The following TTC28 variants were observed in gnomAD, a reference collection of about 807,000 sequenced individuals.
The protein encoded by TTC28 is tetratricopeptide repeat domain 28, also known as tetratricopeptide repeat protein 28.
In TTC28, 61 loss-of-function variants were observed where a neutral mutation model predicts 198.0. The observed-to-expected ratio is 0.31, with a 90% confidence interval of 0.25 to 0.38. The LOEUF (loss-of-function observed/expected upper bound fraction) is 0.38. Ranked by LOEUF, TTC28 falls within the 10% of genes least tolerant of loss-of-function variation. The pLI, the probability that TTC28 is intolerant of heterozygous loss-of-function variation, is 1.00. For missense variants in TTC28, 2,678 were observed against 3,164.0 expected, an observed-to-expected ratio of 0.85 and a Z score of 3.69; for synonymous variants, 1,171 against 1,297.8, an observed-to-expected ratio of 0.90 and a Z score of 2.10.
chr22:28,449,291 A>G (rs5762629), intron 2 of TTC28, among the ~76,000 whole-genome samples: 99,206 of 152,058 alleles, frequency 0.65, 33,383 homozygotes, highest in South Asian at 0.79. Context: ...GTATAAAAGC[A>G]TGAGCTACAT....
At chr22:28,040,017 C>T (rs974219164) in intron 12 of TTC28, among the ~76,000 whole-genome samples, 3 of 152,198 alleles carry the variant, frequency 2.0e-5, no homozygotes, top group Non-Finnish European at 4.4e-5. Context: ...GACACATACA[C>T]TCTCCCAAGA....
chr22:28,549,342 T>C (rs945966468), intron 2 of TTC28, among the ~76,000 whole-genome samples: 11 of 152,158 alleles, frequency 7.2e-5, no homozygotes, highest in Non-Finnish European at 1.6e-4. Context: ...AAATTCTAAT[T>C]ATTGAGCACA....
At chr22:28,225,926 A>G (rs1928308978) in intron 5 of TTC28, among the ~76,000 whole-genome samples, 1 of 152,200 alleles carries the variant, frequency 6.6e-6, no homozygotes, top group Admixed American at 6.5e-5. Context: ...CACTCAACAT[A>G]ATGATTTTGA....
At chr22:28,625,752 G>C (rs1292394938) in intron 2 of TTC28, among the ~76,000 whole-genome samples, 1 of 152,054 alleles carries the variant, frequency 6.6e-6, no homozygotes, top group Non-Finnish European at 1.5e-5. Flanking sequence ...AAAAAAGAAA[G>C]AACAAGGTTG....
chr22:28,027,943 C>A (rs945528082), intron 13 of TTC28, among the ~76,000 whole-genome samples: 1 of 152,252 alleles, frequency 6.6e-6, no homozygotes, highest in African/African-American at 2.4e-5. Flanking sequence ...TTGCACTGTT[C>A]TAGCAAGGAT....
intron 16 of TTC28, chr22:27,996,492 G>T (rs1937554873): frequency 3.6e-6 from 2 of 551,402 alleles, no homozygotes; most frequent in Non-Finnish European, 6.1e-6. Flanking sequence ...GGTTAGTGGG[G>T]CCTGCTATTT....
At chr22:28,173,853 A>G (rs1010722042) in intron 5 of TTC28, among the ~76,000 whole-genome samples, 1 of 152,138 alleles carries the variant, frequency 6.6e-6, no homozygotes, top group African/African-American at 2.4e-5. Context: ...TTCCCTTACC[A>G]TATGTATTTA....
At chr22:28,232,636 A>C (rs1436683774) in intron 5 of TTC28, 1 of 152,248 alleles carries the variant, frequency 6.6e-6, no homozygotes, top group Non-Finnish European at 1.5e-5. Context: ...GTAATTAAAT[A>C]ATCAGTTGAG....
At chr22:28,388,670 G>C (rs1308728858) in intron 2 of TTC28, among the ~76,000 whole-genome samples, 1 of 152,210 alleles carries the variant, frequency 6.6e-6, no homozygotes, top group Non-Finnish European at 1.5e-5. Context: ...AAGAACGCTT[G>C]TGACTTTTGT....
intron 2 of TTC28, among the ~76,000 whole-genome samples, chr22:28,312,598 C>A (rs942799310): frequency 2.0e-5 from 3 of 152,308 alleles, no homozygotes; most frequent in East Asian, 3.9e-4. Flanking sequence ...GAACAACCTG[C>A]TCCTGAATAA....
intron 6 of TTC28, among the ~76,000 whole-genome samples, chr22:28,145,100 G>T (rs1424082729): frequency 1.3e-5 from 2 of 152,144 alleles, no homozygotes. Context: ...CTTGCCACAT[G>T]ATTACTTTTA....
Position 28,164,666 on chromosome 22 carries a change from A to C in TTC28, c.934-1067T>G, listed in dbSNP as rs979039888. Among the ~76,000 whole-genome samples the C allele has an allele frequency of 3.9e-5, 6 of 152,306 alleles. 1 individual carries two copies. Among genetic ancestry groups the C allele is most frequent in the Middle Eastern group, 3.4e-3 (1 of 294 alleles). On this transcript the variant is annotated intron_variant, in intron 5 of 22. Transcript: ENST00000397906. ...TCCACGTCACCATCATCAAACACCAAAGTAGATAAAACCACAAAGATGGGG... is the reference window on the plus strand; with the variant it reads ...TCCACGTCACCATCATCAAACACCACAGTAGATAAAACCACAAAGATGGGG...
chr22:28,032,875 TC>T (rs1230570356), intron 12 of TTC28, among the ~76,000 whole-genome samples: 1 of 152,026 alleles, frequency 6.6e-6, no homozygotes, highest in Non-Finnish European at 1.5e-5. Flanking sequence ...ATCACCAAGC[TC>T]CCATCATGCT....
At chr22:28,121,704 TTCC>T (rs1942791331) in intron 6 of TTC28, among the ~76,000 whole-genome samples, 1 of 152,226 alleles carries the variant, frequency 6.6e-6, no homozygotes. Context: ...CATTTTCAGC[TTCC>T]TCCTCCTCTC....
At chr22:28,292,703 G>C (rs942765721) in intron 5 of TTC28, among the ~76,000 whole-genome samples, 2 of 152,186 alleles carry the variant, frequency 1.3e-5, no homozygotes, top group Admixed American at 1.3e-4. Context: ...GCTTCCTCAA[G>C]TTTATACCAG....
intron 2 of TTC28, among the ~76,000 whole-genome samples, chr22:28,529,570 G>C (rs2049086367): frequency 6.6e-6 from 1 of 152,216 alleles, no homozygotes; most frequent in South Asian, 2.1e-4. Context: ...GGTTCTCCCA[G>C]CATGGAGTTT....
chr22:28,595,795 G>A (rs914904682), intron 2 of TTC28, among the ~76,000 whole-genome samples: 1 of 152,112 alleles, frequency 6.6e-6, no homozygotes, highest in Non-Finnish European at 1.5e-5. Flanking sequence ...ATGGTGGCAC[G>A]CGCCTCTAGT....
chr22:28,474,194 GT>G (rs1217615951), intron 2 of TTC28, among the ~76,000 whole-genome samples: 1 of 152,188 alleles, frequency 6.6e-6, no homozygotes, highest in African/African-American at 2.4e-5. Context: ...AGACAGCAAA[GT>G]TTTAAAAGCT....
intron 2 of TTC28, among the ~76,000 whole-genome samples, chr22:28,618,661 G>A: frequency 7.3e-6 from 1 of 136,766 alleles, no homozygotes; most frequent in Admixed American, 8.0e-5. Context: ...CAGCCTGGGT[G>A]ACAGAGCAAG....
Sources: allele counts gnomAD v4.1 joint callset (sites outside exome capture counted in the v4.1 genomes callset), GRCh38; gene constraint gnomAD v4.1.1; transcripts MANE v1.5; gene names NCBI Gene and HGNC (gene_info 2026-07-23, HGNC 2026-07-21).